The following MEOX2 variants were observed in gnomAD, a reference collection of about 807,000 sequenced individuals.
MEOX2 encodes homeobox protein MOX-2.
A neutral mutation model predicts 27.0 loss-of-function variants in MEOX2; 11 were observed. The observed-to-expected ratio is 0.41, with a 90% CI of 0.26 to 0.68. The LOEUF is 0.68. MEOX2 is among the 30% of genes least tolerant of loss of function. The pLI, the probability that MEOX2 is intolerant of heterozygous loss-of-function variation, is 0.33. For synonymous variants in MEOX2, 189 were observed against 155.4 expected, an observed-to-expected ratio of 1.22 and a Z score of -1.61; for missense variants, 436 against 385.4, an observed-to-expected ratio of 1.13 and a Z score of -1.10.
At chr7:15,643,588 T>C (rs1189984682) in intron 1 of MEOX2, among the ~76,000 whole-genome samples, 1 of 152,126 alleles carries the variant, frequency 6.6e-6, no homozygotes, top group African/African-American at 2.4e-5. Context: ...AGGCCTGAGC[T>C]CATCCCAAGG....
intron 1 of MEOX2, among the ~76,000 whole-genome samples, chr7:15,657,081 G>A (rs1008846303): frequency 6.6e-6 from 1 of 151,976 alleles, no homozygotes; most frequent in Non-Finnish European, 1.5e-5. Context: ...CTCTTCATTG[G>A]TATTGTTTCT....
At chr7:15,629,868 G>A (rs1441658468) in intron 1 of MEOX2, among the ~76,000 whole-genome samples, 1 of 151,996 alleles carries the variant, frequency 6.6e-6, no homozygotes, top group Non-Finnish European at 1.5e-5. Context: ...GAAAATGGAT[G>A]GAAGATTTGC....
intron 1 of MEOX2, among the ~76,000 whole-genome samples, chr7:15,647,480 C>G (rs1781669522): frequency 6.6e-6 from 1 of 152,052 alleles, no homozygotes; most frequent in Non-Finnish European, 1.5e-5. Context: ...TTTGATGGTT[C>G]AATTTCTTTG....
intron 1 of MEOX2, among the ~76,000 whole-genome samples, chr7:15,632,135 T>C (rs1260161141): frequency 6.6e-6 from 1 of 151,774 alleles, no homozygotes; most frequent in Non-Finnish European, 1.5e-5. Flanking sequence ...AAAATTTCCT[T>C]GGCATTGCAT....
At chr7:15,679,438 C>T (rs1782257925) in intron 1 of MEOX2, 1 of 152,092 alleles carries the variant, frequency 6.6e-6, no homozygotes, top group Non-Finnish European at 1.5e-5. Context: ...ATACGTCTAA[C>T]ATCTTAGAAA....
intron 1 of MEOX2, among the ~76,000 whole-genome samples, chr7:15,635,133 G>A (rs1014583348): frequency 2.0e-5 from 3 of 151,838 alleles, no homozygotes; most frequent in African/African-American, 2.4e-5. Flanking sequence ...CTTACAAACC[G>A]TCTATTTCCA....
chr7:15,684,350 AC>A (rs1476788787), intron 1 of MEOX2, among the ~76,000 whole-genome samples: 1 of 152,220 alleles, frequency 6.6e-6, no homozygotes, highest in Admixed American at 6.5e-5. Flanking sequence ...AAAAATTGAA[AC>A]CTTTTTGCTA....
In MEOX2 at chr7:15,684,018, T is replaced by A. The variant is rs192527452; in HGVS notation, c.517+1868A>T. Among the ~76,000 whole-genome samples the A allele has an allele frequency of 4.5e-3, 688 of 152,220 alleles. 6 individuals are homozygous for A. The highest frequency in any genetic ancestry group is 0.013 in the African/African-American group (532 of 41,540). On this transcript the variant is annotated intron_variant, in intron 1 of 2. Coordinates refer to ENST00000262041, the MANE Select transcript of MEOX2 (RefSeq NM_005924.5). ...AGTTTTGTTAAATTATTCCATTTTT[T>A]AAAAAAATTATTAAAATAAATTAAG...
At chr7:15,633,361 G>A (rs1003126117) in intron 1 of MEOX2, among the ~76,000 whole-genome samples, 1 of 151,886 alleles carries the variant, frequency 6.6e-6, no homozygotes, top group African/African-American at 2.4e-5. Context: ...TGAGAAGATG[G>A]GGAGGGAAAG....
At chr7:15,655,715 A>C (rs890269201) in intron 1 of MEOX2, among the ~76,000 whole-genome samples, 1 of 151,812 alleles carries the variant, frequency 6.6e-6, no homozygotes, top group Non-Finnish European at 1.5e-5. Context: ...GTTAGAAAAC[A>C]CATTTTGTAA....
At chr7:15,655,209 C>T (rs1452497123) in intron 1 of MEOX2, among the ~76,000 whole-genome samples, 1 of 151,568 alleles carries the variant, frequency 6.6e-6, no homozygotes, top group Admixed American at 6.6e-5. Context: ...TTGATGTCTA[C>T]AGTATTTGTA....
chr7:15,653,288 A>G (rs1781768268), intron 1 of MEOX2, among the ~76,000 whole-genome samples: 1 of 152,034 alleles, frequency 6.6e-6, no homozygotes, highest in African/African-American at 2.4e-5. Flanking sequence ...ATTCTGTTTG[A>G]TAAAAAATCT....
chr7:15,654,575 C>A (rs1412033140), intron 1 of MEOX2, among the ~76,000 whole-genome samples: 1 of 151,640 alleles, frequency 6.6e-6, no homozygotes, highest in East Asian at 1.9e-4. Context: ...AAGTTTGCCT[C>A]CATTTCTAGT....
At chr7:15,673,135 G>T (rs986352801) in intron 1 of MEOX2, among the ~76,000 whole-genome samples, 1 of 152,114 alleles carries the variant, frequency 6.6e-6, no homozygotes, top group Non-Finnish European at 1.5e-5. Context: ...CAAGAACTGT[G>T]CACCTAAGCC....
At chr7:15,674,062 T>A (rs1782153777) in intron 1 of MEOX2, among the ~76,000 whole-genome samples, 1 of 152,088 alleles carries the variant, frequency 6.6e-6, no homozygotes, top group Admixed American at 6.6e-5. Flanking sequence ...AGATATAATA[T>A]TAAACAAAAT....
At chr7:15,681,738 G>A (rs975126878) in intron 1 of MEOX2, 1 of 151,612 alleles carries the variant, frequency 6.6e-6, no homozygotes, top group Non-Finnish European at 1.5e-5. Context: ...CTTATAAGAT[G>A]TCATTGTAAA....
intron 1 of MEOX2, among the ~76,000 whole-genome samples, chr7:15,683,238 C>A (rs957009855): frequency 6.6e-6 from 1 of 151,980 alleles, no homozygotes; most frequent in African/African-American, 2.4e-5. Flanking sequence ...CATACACATA[C>A]AGTCTAAGTA....
At chr7:15,667,321 TAAG>T (rs773844778) in intron 1 of MEOX2, among the ~76,000 whole-genome samples, 170 of 72,808 alleles carry the variant, frequency 2.3e-3, no homozygotes, top group South Asian at 0.019. Context: ...AAGTAGGAAA[TAAG>T]AGGTGAGAGG....
intron 2 of MEOX2, among the ~76,000 whole-genome samples, chr7:15,617,820 T>A (rs1362408492): frequency 6.6e-6 from 1 of 152,142 alleles, no homozygotes; most frequent in Non-Finnish European, 1.5e-5. Context: ...CTCTTCTTTT[T>A]CTATTTCCAA....
Sources: allele counts gnomAD v4.1 joint callset (sites outside exome capture counted in the v4.1 genomes callset), GRCh38; gene constraint gnomAD v4.1.1; transcripts MANE v1.5; gene names NCBI Gene and HGNC (gene_info 2026-07-23, HGNC 2026-07-21).